PKD1L1: variants seen among roughly 807,000 people sequenced by gnomAD.
PKD1L1 encodes the protein polycystin-1-like protein 1.
In PKD1L1, 236 loss-of-function variants were observed where a neutral mutation model predicts 323.4. The observed-to-expected ratio is 0.73, with a 90% CI of 0.66 to 0.81. The LOEUF (loss-of-function observed/expected upper bound fraction) is 0.81. PKD1L1 is among the 40% of genes least tolerant of loss of function. The pLI, the probability that PKD1L1 is intolerant of heterozygous loss-of-function variation, is 0.00. For synonymous variants in PKD1L1, 1,344 were observed against 1,335.0 expected, an observed-to-expected ratio of 1.01 and a Z score of -0.15; for missense variants, 3,320 against 3,508.0, an observed-to-expected ratio of 0.95 and a Z score of 1.35.
At chr7:47,881,807 A>C (rs1786559302) in intron 20 of PKD1L1, 102 bp downstream of exon 20, 11 of 1,130,970 alleles carry the variant, frequency 9.7e-6, no homozygotes, top group Middle Eastern at 5.7e-4. Flanking sequence ...ACAATTCTAA[A>C]TACTTATCTA....
chr7:47,895,004 G>A (rs1288322308), intron 14 of PKD1L1, among the ~76,000 whole-genome samples: 1 of 152,140 alleles, frequency 6.6e-6, no homozygotes, highest in African/African-American at 2.4e-5. Flanking sequence ...CAAAGACAAC[G>A]GAACAGCTGT....
At chr7:47,827,319 G>T in intron 45 of PKD1L1, 31 bp downstream of exon 45, 1 of 1,561,156 alleles carries the variant, frequency 6.4e-7, no homozygotes, top group Non-Finnish European at 8.7e-7. Flanking sequence ...CTGGAGTGGA[G>T]CAAGCCCTCC....
chr7:47,787,591 C>A (rs1786837532), intron 56 of PKD1L1, among the ~76,000 whole-genome samples: 1 of 152,110 alleles, frequency 6.6e-6, no homozygotes, highest in Admixed American at 6.5e-5. Context: ...AAGGACTGCT[C>A]AACCATATTA....
chr7:47,948,491 C>T (rs749977580), upstream of PKD1L1: 5 of 1,578,946 alleles, frequency 3.2e-6, no homozygotes, highest in Non-Finnish European at 4.4e-6. Flanking sequence ...CAGCTTCTTC[C>T]TACATCCTCT....
chr7:47,874,447 C>G (rs1004001234), intron 23 of PKD1L1, among the ~76,000 whole-genome samples: 12 of 152,296 alleles, frequency 7.9e-5, no homozygotes, highest in Non-Finnish European at 1.5e-4. Flanking sequence ...GATCGACGCC[C>G]AGGTGTGCCC....
upstream of PKD1L1, among the ~76,000 whole-genome samples, chr7:47,953,230 A>G (rs749578926): frequency 6.6e-6 from 1 of 152,176 alleles, no homozygotes; most frequent in Non-Finnish European, 1.5e-5. Flanking sequence ...AGCATAACAC[A>G]TGTATTACAT....
chr7:47,937,507 A>G (rs562903033), intron 3 of PKD1L1, among the ~76,000 whole-genome samples: 20 of 152,232 alleles, frequency 1.3e-4, no homozygotes, highest in Admixed American at 6.5e-4. Context: ...GTGGAGTTTC[A>G]TTCTGAATGA....
At chr7:47,849,262 G>T (rs1182456610) in intron 31 of PKD1L1, among the ~76,000 whole-genome samples, 4 of 152,110 alleles carry the variant, frequency 2.6e-5, no homozygotes, top group African/African-American at 9.7e-5. Flanking sequence ...GATAACATCA[G>T]AAAAACTCTT....
chr7:47,902,386 T>C lies in PKD1L1; in HGVS notation c.2057A>G (p.Lys686Arg). 2 of 1,614,090 alleles carry C rather than the reference T, an allele frequency of 1.2e-6. No individual in the cohort carries two copies. Among genetic ancestry groups the C allele is most frequent in the Non-Finnish European group, 1.7e-6 (2 of 1,179,976 alleles). Reference sequence around the variant, plus strand: ...CCCAGACTCCGAGCCTACCTGGACTTTCCCAGGCCCCATGTTCTTCACCAG... The same window carrying C: ...CCCAGACTCCGAGCCTACCTGGACTCTCCCAGGCCCCATGTTCTTCACCAG... The part of the protein sequence containing the change: ...PPLVKNMGPG[K>R]VQIWRSQPVR... The change falls in exon 13 of 57, where the codon AAA becomes AGA. Residue 686 changes from lysine to arginine, a missense_variant. Physicochemically the swap from Lys to Arg is conservative, Grantham distance 26. Transcript: ENST00000289672.
chr7:47,781,399 GTTTTGTTTTGTT>G (rs1786690472), intron 56 of PKD1L1, among the ~76,000 whole-genome samples: 3 of 71,772 alleles, frequency 4.2e-5, no homozygotes, highest in African/African-American at 1.0e-4. Flanking sequence ...TTTTTTTTTT[GTTTTGTTTTGTT>G]TTTTTTTTTT....
At chr7:47,916,960 G>A (rs1583671711) in intron 7 of PKD1L1, among the ~76,000 whole-genome samples, 1 of 152,112 alleles carries the variant, frequency 6.6e-6, no homozygotes, top group South Asian at 2.1e-4. Context: ...CACCAGCAAG[G>A]AGCCCAAATC....
At chr7:47,781,193 C>G (rs1335419176) in intron 56 of PKD1L1, among the ~76,000 whole-genome samples, 1 of 152,146 alleles carries the variant, frequency 6.6e-6, no homozygotes, top group African/African-American at 2.4e-5. Context: ...TGTACATCTT[C>G]TTCAGTGAAA....
chr7:47,935,762 A>G (rs1454743304), intron 4 of PKD1L1, among the ~76,000 whole-genome samples: 1 of 152,272 alleles, frequency 6.6e-6, no homozygotes, highest in Non-Finnish European at 1.5e-5. Flanking sequence ...GGATTTTACA[A>G]ATAAATAAAA....
At chr7:47,838,439 T>C (rs1191609151) in intron 36 of PKD1L1, among the ~76,000 whole-genome samples, 1 of 152,222 alleles carries the variant, frequency 6.6e-6, no homozygotes, top group East Asian at 1.9e-4. Context: ...GTTCCCACAA[T>C]GTTGTCATTA....
chr7:47,868,575 C>A, intron 24 of PKD1L1, among the ~76,000 whole-genome samples: 1 of 151,716 alleles, frequency 6.6e-6, no homozygotes, highest in Non-Finnish European at 1.5e-5. Context: ...TCTCCAGTTT[C>A]TTTGAAAGAC....
At chr7:47,819,593 AAT>A (rs1237009971) in intron 46 of PKD1L1, 5 of 1,362,100 alleles carry the variant, frequency 3.7e-6, no homozygotes, top group Non-Finnish European at 4.9e-6. Flanking sequence ...TGGTTTCACA[AAT>A]GAGGAGGCAG....
At chr7:47,945,046 ACTT>A (rs2035293672) in intron 1 of PKD1L1, among the ~76,000 whole-genome samples, 1 of 152,078 alleles carries the variant, frequency 6.6e-6, no homozygotes, top group African/African-American at 2.4e-5. Context: ...CTCTACATCC[ACTT>A]CTTCTAGACA....
rs1784983947 is a variant in PKD1L1, at chr7:47,814,974, TC to T, written c.7089+359del. On this transcript the variant is annotated intron_variant, in intron 47 of 56. Transcript: ENST00000289672. ...TCTGTTTTGGGGTGGTTCTTGTGTT[TC>T]CTTGTCAGGGTATTTTGCACACGGA... is the stretch of plus-strand genomic sequence containing the variant. Among the ~76,000 whole-genome samples, 6 of 152,330 alleles carry T rather than the reference TC, an allele frequency of 3.9e-5. No homozygotes were observed. The South Asian group carries it at 1.2e-3, about 32-fold the overall frequency.
chr7:47,779,010 A>G (rs528678715), intron 56 of PKD1L1, among the ~76,000 whole-genome samples: 17 of 152,352 alleles, frequency 1.1e-4, no homozygotes, highest in Non-Finnish European at 1.9e-4. Flanking sequence ...TCCTATGGAG[A>G]GAATCTCAAG....
Sources: gnomAD v4.1 joint callset for allele counts (sites outside exome capture counted in the v4.1 genomes callset) on GRCh38, gnomAD v4.1.1 for gene constraint, MANE v1.5 for transcripts, NCBI Gene and HGNC (gene_info 2026-07-23, HGNC 2026-07-21) for gene names.